Variants in SNAP91 observed in about 807,000 individuals in gnomAD.
SNAP91 encodes the protein clathrin coat assembly protein AP180.
Under a neutral mutation model 100.3 loss-of-function variants are expected in SNAP91, and 27 were observed. The observed-to-expected ratio is 0.27, with a 90% confidence interval of 0.20 to 0.37. The LOEUF (loss-of-function observed/expected upper bound fraction) is 0.37. Among genes scored for constraint, SNAP91 ranks in the 10% least tolerant of loss-of-function variants. The probability of loss-of-function intolerance (pLI) is 1.00; values close to 1 mark genes in which losing one functional copy is unlikely to be tolerated. For synonymous variants in SNAP91, 404 were observed against 398.6 expected, an observed-to-expected ratio of 1.01 and a Z score of -0.16; for missense variants, 986 against 1,123.7, an observed-to-expected ratio of 0.88 and a Z score of 1.75.
At chr6:83,601,557 G>A (rs2095229574) in intron 15 of SNAP91, 28 bp downstream of exon 15, 1 of 1,612,900 alleles carries the variant, frequency 6.2e-7, no homozygotes, top group Non-Finnish European at 8.5e-7. Context: ...CTGTCAAAAT[G>A]GAAGTTTAAA....
At chr6:83,658,276 C>T (rs926257646) in intron 6 of SNAP91, among the ~76,000 whole-genome samples, 4 of 152,180 alleles carry the variant, frequency 2.6e-5, no homozygotes, top group South Asian at 2.1e-4. Context: ...AGATTAAACA[C>T]AATTCTTTGG....
chr6:83,605,596 C>A, intron 14 of SNAP91, 89 bp downstream of exon 14: 1 of 1,486,068 alleles, frequency 6.7e-7, no homozygotes, highest in South Asian at 1.3e-5. Flanking sequence ...TTTAGATAAT[C>A]AAAAGGTAAA....
intron 2 of SNAP91, among the ~76,000 whole-genome samples, chr6:83,696,231 T>G (rs2099209000): frequency 6.6e-6 from 1 of 152,196 alleles, no homozygotes; most frequent in Admixed American, 6.5e-5. Context: ...GGAAGAGCTG[T>G]AGGCTCTACA....
chr6:83,574,290 A>C (rs544806901), intron 26 of SNAP91, among the ~76,000 whole-genome samples: 93 of 152,332 alleles, frequency 6.1e-4, no homozygotes, highest in African/African-American at 1.9e-3. Flanking sequence ...CTACTCTGAA[A>C]ACACGTTCTT....
intron 7 of SNAP91, among the ~76,000 whole-genome samples, chr6:83,654,770 C>G (rs11962288): frequency 6.6e-6 from 1 of 152,122 alleles, no homozygotes; most frequent in Non-Finnish European, 1.5e-5. Context: ...GAGAGGTTAA[C>G]AGTAGATTAT....
intron 8 of SNAP91, among the ~76,000 whole-genome samples, chr6:83,627,095 T>C (rs1052152825): frequency 1.3e-5 from 2 of 152,170 alleles, no homozygotes; most frequent in African/African-American, 2.4e-5. Flanking sequence ...AAGCTTTTGC[T>C]GCATCTATTG....
intron 7 of SNAP91, 49 bp downstream of exon 7, chr6:83,656,705 C>A: frequency 1.2e-6 from 1 of 813,480 alleles, no homozygotes; most frequent in African/African-American, 1.7e-5. Context: ...ATTCATCAAT[C>A]TTACTGTGTA....
chr6:83,582,104 C>T, intron 23 of SNAP91, 118 bp downstream of exon 23: 1 of 1,150,212 alleles, frequency 8.7e-7, no homozygotes, highest in Non-Finnish European at 1.2e-6. Flanking sequence ...GTTTTATAAA[C>T]CAAATTATCA....
chr6:83,641,882 T>C (rs778734170), intron 7 of SNAP91, among the ~76,000 whole-genome samples: 2 of 152,198 alleles, frequency 1.3e-5, no homozygotes, highest in African/African-American at 4.8e-5. Flanking sequence ...TTTCACACTC[T>C]CAAGACTAGA....
In SNAP91 at chr6:83,556,206, T is replaced by G. The variant is rs749100170; in HGVS notation, c.2671A>C (p.Lys891Gln). 8.2e-6 allele frequency: 13 copies of G among 1,577,642 alleles called. No homozygotes were observed. The highest frequency in any genetic ancestry group is 1.1e-5 in the Non-Finnish European group (13 of 1,161,624). ...SPTPASQSPKKPPAKDPLADL... is the reference protein window; with the variant it reads ...SPTPASQSPKQPPAKDPLADL... Reference sequence around the variant, plus strand: ...GCTAATGGGTCCTTTGCTGGAGGTTTCTTGGGACTCTGACTGGCAGGTGTA... The same window carrying G: ...GCTAATGGGTCCTTTGCTGGAGGTTGCTTGGGACTCTGACTGGCAGGTGTA... Residue 891 changes from lysine to glutamine, a missense_variant, in exon 29 of 30, where the codon AAA becomes CAA. By Grantham distance (53) the Lys-to-Gln change is moderately conservative. Coordinates refer to ENST00000369694, the MANE Select transcript of SNAP91 (RefSeq NM_001242792.2).
intron 2 of SNAP91, among the ~76,000 whole-genome samples, chr6:83,666,131 T>C (rs530552668): frequency 6.6e-6 from 1 of 152,264 alleles, no homozygotes; most frequent in East Asian, 1.9e-4. Flanking sequence ...TAAGCTTTTG[T>C]AGAACAACAT....
Position 83,580,614 on chromosome 6 carries a change from G to C in SNAP91, c.2150-15C>G. 6.3e-7 allele frequency: 1 copy of C among 1,592,622 alleles called. No homozygotes were observed. The highest frequency in any genetic ancestry group is 8.5e-7 in the Non-Finnish European group (1 of 1,171,588). ...ACCATCAAACACTGGAAATCAAATA[G>C]ACTAGGTTCAGAATAATTGAAAACA... On this transcript the variant is annotated splice_polypyrimidine_tract_variant and intron_variant, in intron 23 of 29. Transcript: ENST00000369694.
chr6:83,581,992 T>C (rs1829145877), intron 23 of SNAP91, among the ~76,000 whole-genome samples: 1 of 152,202 alleles, frequency 6.6e-6, no homozygotes. Context: ...AGATTTCTGC[T>C]AAAAATAAAC....
chr6:83,687,983 G>A (rs2099082936), intron 2 of SNAP91, among the ~76,000 whole-genome samples: 1 of 152,036 alleles, frequency 6.6e-6, no homozygotes, highest in South Asian at 2.1e-4. Flanking sequence ...GGAAGACACG[G>A]GTTCAATCCT....
chr6:83,611,823 A>G lies in SNAP91; in HGVS notation c.885-1146T>C, dbSNP rs576850416. Reference sequence around the variant, plus strand: ...GCCATTCTCCTGCCTCAGTCTCCCAAGTAGCTGGGACTACAGGCGCCTGCC... The same window carrying G: ...GCCATTCTCCTGCCTCAGTCTCCCAGGTAGCTGGGACTACAGGCGCCTGCC... On this transcript the variant is annotated intron_variant, in intron 11 of 29. Transcript: ENST00000369694. Among the ~76,000 whole-genome samples, 141 of 149,178 alleles carry G rather than the reference A, an allele frequency of 9.5e-4. 1 individual carries two copies. Among genetic ancestry groups the G allele is most frequent in the Middle Eastern group, 3.5e-3 (1 of 282 alleles).
intron 24 of SNAP91, among the ~76,000 whole-genome samples, chr6:83,578,097 CA>C (rs994522534): frequency 3.3e-5 from 5 of 152,034 alleles, no homozygotes; most frequent in African/African-American, 9.7e-5. Context: ...GTAGATATAT[CA>C]TTTTTTTTTA....
chr6:83,624,430 C>T (rs774776428), intron 8 of SNAP91, among the ~76,000 whole-genome samples: 31 of 152,056 alleles, frequency 2.0e-4, no homozygotes, highest in Non-Finnish European at 4.0e-4. Flanking sequence ...TTTGATTATA[C>T]TGATGGAAAT....
chr6:83,657,895 T>C (rs1189573525), intron 6 of SNAP91, among the ~76,000 whole-genome samples: 3 of 150,538 alleles, frequency 2.0e-5, no homozygotes, highest in Non-Finnish European at 4.4e-5. Flanking sequence ...GCCTCCCAAG[T>C]AGCTAGGATT....
chr6:83,647,448 T>C (rs1348936884), intron 7 of SNAP91, among the ~76,000 whole-genome samples: 2 of 152,194 alleles, frequency 1.3e-5, no homozygotes, highest in South Asian at 2.1e-4. Flanking sequence ...TCTACTGATA[T>C]GATTTTTCTC....
Sources: gnomAD v4.1 joint callset for allele counts (sites outside exome capture counted in the v4.1 genomes callset) on GRCh38, gnomAD v4.1.1 for gene constraint, MANE v1.5 for transcripts, NCBI Gene and HGNC (gene_info 2026-07-23, HGNC 2026-07-21) for gene names.